RHOA: variants seen among roughly 807,000 people sequenced by gnomAD.
RHOA encodes transforming protein RhoA.
RHOA carries 3 observed loss-of-function variants against 17.5 expected under a neutral mutation model. The observed-to-expected ratio is 0.17, with a 90% CI of 0.08 to 0.44. RHOA has a LOEUF of 0.44. RHOA is among the 20% of genes least tolerant of loss of function. The pLI, the probability that RHOA is intolerant of heterozygous loss-of-function variation, is 0.99. For synonymous variants in RHOA, 98 were observed against 88.4 expected (o/e 1.11, Z -0.61); for missense variants, 56 against 242.3 (o/e 0.23, Z 5.10).
intron 1 of RHOA, among the ~76,000 whole-genome samples, chr3:49,395,176 G>A (rs537544735): frequency 5.0e-4 from 76 of 150,846 alleles, no homozygotes; most frequent in Non-Finnish European, 9.0e-4. Context: ...ACGTGAACCC[G>A]GGAGGCGGAG....
At chr3:49,395,874 G>A (rs755217349) in intron 1 of RHOA, among the ~76,000 whole-genome samples, 9 of 152,070 alleles carry the variant, frequency 5.9e-5, no homozygotes, top group East Asian at 1.9e-4. Flanking sequence ...CTAAGGAGGC[G>A]TTTTCCAAAC....
chr3:49,379,383 G>C (rs981369535), intron 1 of RHOA, among the ~76,000 whole-genome samples: 1 of 152,118 alleles, frequency 6.6e-6, no homozygotes, highest in Admixed American at 6.6e-5. Flanking sequence ...CTTGGGGGTG[G>C]AGAGAAATGG....
At chr3:49,380,892 T>C (rs2048305853) in intron 1 of RHOA, among the ~76,000 whole-genome samples, 1 of 151,596 alleles carries the variant, frequency 6.6e-6, no homozygotes, top group Non-Finnish European at 1.5e-5. Flanking sequence ...ATTACTCATT[T>C]GTGAATTCTC....
At chr3:49,377,002 C>A (rs1251011135) in intron 1 of RHOA, among the ~76,000 whole-genome samples, 1 of 152,096 alleles carries the variant, frequency 6.6e-6, no homozygotes, top group African/African-American at 2.4e-5. Context: ...GTGGCACATG[C>A]CTATAATCCT....
At chr3:49,366,380 A>AT (rs1229953367) in intron 3 of RHOA, among the ~76,000 whole-genome samples, 1 of 152,190 alleles carries the variant, frequency 6.6e-6, no homozygotes, top group Non-Finnish European at 1.5e-5. Context: ...AGGTGAGTGG[A>AT]TCACCAGAGG....
At chr3:49,392,908 G>A (rs1490622010) in intron 1 of RHOA, among the ~76,000 whole-genome samples, 3 of 152,124 alleles carry the variant, frequency 2.0e-5, no homozygotes, top group African/African-American at 7.2e-5. Context: ...CAGGCGTGAT[G>A]GCTCACTTCT....
chr3:49,368,250 C>T (rs1045659041), intron 3 of RHOA, among the ~76,000 whole-genome samples, 178 bp downstream of exon 3: 1 of 152,060 alleles, frequency 6.6e-6, no homozygotes, highest in Non-Finnish European at 1.5e-5. Context: ...CCATGGGAGA[C>T]CTAGGCTGAA....
intron 2 of RHOA, among the ~76,000 whole-genome samples, chr3:49,368,983 A>G (rs2048103855): frequency 7.5e-6 from 1 of 132,498 alleles, no homozygotes; most frequent in South Asian, 2.5e-4. Context: ...TTGGGATTGC[A>G]GGCGTGACCC....
chr3:49,398,473 G>A (rs1313719688), intron 1 of RHOA, among the ~76,000 whole-genome samples: 1 of 152,008 alleles, frequency 6.6e-6, no homozygotes, highest in Non-Finnish European at 1.5e-5. Flanking sequence ...TAAAGGTAAG[G>A]AGCAGTGAAA....
intron 1 of RHOA, among the ~76,000 whole-genome samples, chr3:49,399,352 A>AGAGC (rs1372766604): frequency 6.7e-6 from 1 of 149,784 alleles, no homozygotes; most frequent in African/African-American, 2.5e-5. Context: ...CCTGGGCGAC[A>AGAGC]GAGCGAGACT....
chr3:49,390,143 T>G lies in RHOA; in HGVS notation c.-2-14552A>C, dbSNP rs540740847. 2.6e-5 allele frequency among the ~76,000 whole-genome samples: 4 copies of G among 151,854 alleles called. No homozygotes were observed. The South Asian group carries it at 8.3e-4, about 32-fold the overall frequency. On this transcript the variant is annotated intron_variant, in intron 1 of 4. Coordinates refer to ENST00000418115, the MANE Select transcript of RHOA (RefSeq NM_001664.4). ...GACAGTCCGTTGTCAGGAATTTTTT[T>G]TTTTTCTTTAAGATGGAGTCTCACT...
intron 1 of RHOA, among the ~76,000 whole-genome samples, chr3:49,398,416 A>G (rs747895342): frequency 6.6e-6 from 1 of 152,086 alleles, no homozygotes; most frequent in South Asian, 2.1e-4. Context: ...TGAGAGACAG[A>G]ACAAGAAATG....
intron 1 of RHOA, among the ~76,000 whole-genome samples, chr3:49,411,396 G>T (rs1474138306): frequency 6.6e-6 from 1 of 152,248 alleles, no homozygotes; most frequent in Non-Finnish European, 1.5e-5. Flanking sequence ...AAGCAAAATG[G>T]AGTTGTAAAG....
chr3:49,360,645 G>C (rs941987547), intron 4 of RHOA, among the ~76,000 whole-genome samples: 1 of 151,768 alleles, frequency 6.6e-6, no homozygotes, highest in Non-Finnish European at 1.5e-5. Flanking sequence ...TTTTTTAGTA[G>C]AGATGGGGTT....
chr3:49,401,262 C>T (rs945093995), intron 1 of RHOA, among the ~76,000 whole-genome samples: 1 of 152,032 alleles, frequency 6.6e-6, no homozygotes, highest in African/African-American at 2.4e-5. Flanking sequence ...TGGTGGCTCA[C>T]AACTGCAATC....
At chr3:49,390,980 A>G (rs1458484200) in intron 1 of RHOA, among the ~76,000 whole-genome samples, 1 of 151,984 alleles carries the variant, frequency 6.6e-6, no homozygotes, top group Non-Finnish European at 1.5e-5. Flanking sequence ...GCACTTTGGG[A>G]GGCTGAGGCA....
At chr3:49,362,425 G>A in intron 4 of RHOA, 71 bp downstream of exon 4, 1 of 1,476,872 alleles carries the variant, frequency 6.8e-7, no homozygotes, top group Non-Finnish European at 9.0e-7. Flanking sequence ...GTTCCTGCTG[G>A]GCTCCCCAAA....
chr3:49,375,482 G>A lies in RHOA; in HGVS notation c.108C>T (p.Pro36=), dbSNP rs11552759. The change falls in exon 2 of 5, where the codon CCC becomes CCT. Residue 36 remains proline (P), a synonymous_variant. Transcript: ENST00000418115. ...SKDQFPEVYV[P]TVFENYVADI... is the part of the protein sequence containing the mutation. Reference sequence around the variant, plus strand: ...CTGCCACATAGTTCTCAAACACTGTGGGCACATACACCTCTGGGAACTGGT... The same window carrying A: ...CTGCCACATAGTTCTCAAACACTGTAGGCACATACACCTCTGGGAACTGGT... 4.3e-6 allele frequency: 7 copies of A among 1,613,976 alleles called. No individual in the cohort carries two copies. The highest frequency in any genetic ancestry group is 2.2e-5 in the South Asian group (2 of 91,054).
intron 1 of RHOA, among the ~76,000 whole-genome samples, chr3:49,410,361 A>C (rs1355870660): frequency 6.6e-6 from 1 of 152,052 alleles, no homozygotes; most frequent in Non-Finnish European, 1.5e-5. Flanking sequence ...TAGATCTAAA[A>C]CTCAAGAACT....
Sources: gnomAD v4.1 joint callset for allele counts (sites outside exome capture counted in the v4.1 genomes callset) on GRCh38, gnomAD v4.1.1 for gene constraint, MANE v1.5 for transcripts, NCBI Gene and HGNC (gene_info 2026-07-23, HGNC 2026-07-21) for gene names.